The following LIG1 variants were observed in gnomAD, a reference collection of about 807,000 sequenced individuals.
LIG1 encodes the protein DNA ligase 1.
In LIG1, 70 loss-of-function variants were observed where a neutral mutation model predicts 115.7. That is an observed-to-expected ratio of 0.60 (90% confidence interval 0.50 to 0.74). The LOEUF (loss-of-function observed/expected upper bound fraction) is 0.74, where lower values mean the gene tolerates loss of function less well. Ranked by LOEUF, LIG1 falls within the 30% of genes least tolerant of loss-of-function variation. LIG1 has a pLI of 0.00. For missense variants in LIG1, 1,115 were observed against 1,225.6 expected (o/e 0.91, Z 1.35); for synonymous variants, 487 against 495.3 (o/e 0.98, Z 0.22).
At chr19:48,124,919 G>A (rs1380848311) in intron 21 of LIG1, among the ~76,000 whole-genome samples, 4 of 151,834 alleles carry the variant, frequency 2.6e-5, no homozygotes, top group Non-Finnish European at 2.9e-5. Flanking sequence ...GGAGGCTGAC[G>A]CAGGAGAATC....
At chr19:48,161,137 C>T in intron 4 of LIG1, 1 of 592,132 alleles carries the variant, frequency 1.7e-6, no homozygotes, top group Non-Finnish European at 3.0e-6. Context: ...TTACCAGGAG[C>T]TGCATGTTAC....
At chr19:48,141,844 T>C (rs531736909) in intron 11 of LIG1, among the ~76,000 whole-genome samples, 3 of 152,328 alleles carry the variant, frequency 2.0e-5, no homozygotes, top group African/African-American at 4.8e-5. Flanking sequence ...AAAGCCACCA[T>C]TGGATGGTGC....
At position 48,143,568 on chromosome 19, in the gene LIG1, C is replaced by G; in HGVS notation, c.889G>C (p.Glu297Gln). The change falls in exon 11 of 28, where the codon GAG (glutamate) becomes CAG (glutamine). Residue 297 changes from glutamate (E) to glutamine (Q), a missense_variant. Physicochemically the swap from Glu to Gln is conservative, Grantham distance 29. Coordinates refer to ENST00000263274, the MANE Select transcript of LIG1 (RefSeq NM_000234.3). Reference protein sequence around the residue: ...VPYLAVARTFEKIEEVSARLR... With the variant: ...VPYLAVARTFQKIEEVSARLR... Reference sequence around the variant, plus strand: ...CGAGCAGACACCTCCTCGATCTTCTCAAACGTCCGGGCCACAGCCAGGTAA... The same window carrying G: ...CGAGCAGACACCTCCTCGATCTTCTGAAACGTCCGGGCCACAGCCAGGTAA... 1.3e-6 allele frequency: 2 copies of G among 1,548,972 alleles called. No homozygotes were observed. Among genetic ancestry groups the G allele is most frequent in the Non-Finnish European group, 1.8e-6 (2 of 1,140,292 alleles).
At chr19:48,120,394 T>C (rs576393929) in intron 24 of LIG1, 92 of 985,250 alleles carry the variant, frequency 9.3e-5, no homozygotes, top group Admixed American at 1.8e-4. Context: ...TTTGCAAAAA[T>C]GTAAATAAAA....
chr19:48,139,521 G>A (rs575475509), intron 12 of LIG1, among the ~76,000 whole-genome samples: 2 of 152,164 alleles, frequency 1.3e-5, no homozygotes, highest in African/African-American at 4.8e-5. Flanking sequence ...CCCTTGGCAG[G>A]CGGGCCATCC....
In LIG1 at chr19:48,133,182, C is replaced by T. The variant is rs776856912; in HGVS notation, c.1610-85G>A. ...TGGAGAGGAGAACTGCTAATGGGCC[C>T]CAGGACCATTCTGCTTTCTTGCTAT... On this transcript the variant is annotated intron_variant, in intron 17 of 27. Coordinates refer to ENST00000263274, the MANE Select transcript of LIG1 (RefSeq NM_000234.3). 6.9e-5 allele frequency: 62 copies of T among 893,622 alleles called. 1 individual carries two copies. Among genetic ancestry groups the T allele is most frequent in the Admixed American group, 4.5e-4 (26 of 58,330 alleles). The allele number at this position is 893,622 out of a possible 1,614,324, so 55.4% of individuals were successfully genotyped here.
intron 5 of LIG1, 43 bp from the exon 6 acceptor site, chr19:48,154,010 G>T (rs778768010): frequency 1.3e-6 from 2 of 1,530,674 alleles, no homozygotes; most frequent in Non-Finnish European, 1.8e-6. Flanking sequence ...TCGCTGGCTC[G>T]TGTGCTCCCA....
At chr19:48,157,217 G>T in intron 4 of LIG1, 77 bp from the exon 5 acceptor site, 3 of 1,379,268 alleles carry the variant, frequency 2.2e-6, no homozygotes, top group East Asian at 2.5e-5. Context: ...GAGTAGAGGG[G>T]ACTGAAACCT....
At chr19:48,143,662 C>T (rs747213512) in intron 10 of LIG1, 63 bp from the exon 11 acceptor site, 15 of 1,445,140 alleles carry the variant, frequency 1.0e-5, no homozygotes, top group African/African-American at 1.4e-5. Flanking sequence ...TGCCCGTCTG[C>T]ACCCTTGCTT....
In LIG1 at chr19:48,117,990, A is replaced by T. The variant is rs1349470349; in HGVS notation, c.2440-209T>A. The T allele has an allele frequency of 1.5e-5, 9 of 614,566 alleles. No individual in the cohort carries two copies. In the East Asian group the frequency reaches 2.5e-4, roughly 17 times the overall value. 38.1% of individuals were successfully genotyped at this position (614,566 alleles called of 1,614,324 possible). A position where few individuals can be genotyped will look rare whatever the true frequency, so the allele number is the denominator to read the frequency against. The stretch of plus-strand genomic sequence containing the variant: ...GAGAAACAGAAAGTGAAAGAAGGGA[A>T]AAGAAACAAGACCCCCTTGAAGTAA... On this transcript the variant is annotated intron_variant, in intron 25 of 27. Transcript: ENST00000263274.
chr19:48,149,913 C>G (rs2035358868), intron 8 of LIG1, 72 bp from the exon 9 acceptor site: 1 of 1,549,586 alleles, frequency 6.5e-7, no homozygotes, highest in Non-Finnish European at 8.8e-7. Flanking sequence ...CATTCTGCAC[C>G]CAGCACCACC....
At chr19:48,168,784 A>G (rs1342304726) in intron 1 of LIG1, among the ~76,000 whole-genome samples, 7 of 152,234 alleles carry the variant, frequency 4.6e-5, no homozygotes, top group Non-Finnish European at 1.0e-4. Context: ...GATTATGGTA[A>G]TAACTGCACA....
At chr19:48,141,705 C>T (rs993968632) in intron 11 of LIG1, among the ~76,000 whole-genome samples, 7 of 152,188 alleles carry the variant, frequency 4.6e-5, no homozygotes, top group African/African-American at 1.7e-4. Flanking sequence ...TACTGAAAAA[C>T]TTAGGGGGCC....
intron 17 of LIG1, 32 bp from the exon 18 acceptor site, chr19:48,133,129 G>C (rs751006113): frequency 7.1e-7 from 1 of 1,412,140 alleles, no homozygotes; most frequent in Non-Finnish European, 1.0e-6. Context: ...TTAGAGGAGA[G>C]GGAAGGCAAT....
At chr19:48,144,264 C>T (rs2034974087) in intron 9 of LIG1, among the ~76,000 whole-genome samples, 1 of 152,056 alleles carries the variant, frequency 6.6e-6, no homozygotes, top group East Asian at 1.9e-4. Context: ...TCAGGGAAGG[C>T]CGGAGACATC....
Position 48,150,096 on chromosome 19 carries a change from C to T in LIG1, c.689G>A (p.Ser230Asn). The T allele has an allele frequency of 6.2e-7, 1 of 1,614,212 alleles. No individual in the cohort carries two copies. The highest frequency in any genetic ancestry group is 8.5e-7 in the Non-Finnish European group (1 of 1,180,040). ...GAGCAAGGGAAACTCACTGAAGAAG[C>T]TGCTGAGCGTCTTGGGAGCTCTGCG... ...PPRRAPKTLS[S>N]FFTPRKPAVK... is the part of the protein sequence containing the mutation. Residue 230 changes from serine to asparagine, a missense_variant, in exon 8 of 28, where the codon AGC becomes AAC. Transcript: ENST00000263274.
chr19:48,157,214 G>C (rs955375269), intron 4 of LIG1, 74 bp from the exon 5 acceptor site: 1 of 1,501,626 alleles, frequency 6.7e-7, no homozygotes, highest in Admixed American at 1.9e-5. Flanking sequence ...TGAGAGTAGA[G>C]GGGACTGAAA....
In LIG1 at chr19:48,131,148, C is replaced by T. The variant is rs748778169; in HGVS notation, c.1749G>A (p.Glu583=). 2.5e-6 allele frequency: 4 copies of T among 1,614,008 alleles called. No homozygotes were observed. The East Asian group carries it at 6.7e-5, about 27-fold the overall frequency. ...CCTGATTCCTGCTGAAGATCTTCAC[C>T]TCCCCGCCTTCCAGGGCGTGGATCT... The part of the protein sequence containing the change: ...RAQIHALEGG[E]VKIFSRNQED... Residue 583 remains glutamate (E), a synonymous_variant, in exon 19 of 28, where the codon GAG becomes GAA. Transcript: ENST00000263274.
rs369067038 is a variant in LIG1 at position 48,121,337 on chromosome 19, G to A, written c.2233-15C>T. 399 of 1,588,418 alleles carry A rather than the reference G, an allele frequency of 2.5e-4. 2 individuals carry two copies. The African/African-American group carries it at 4.3e-3, about 17-fold the overall frequency. Reference sequence around the variant, plus strand: ...TCCTTCTTCAGCTGGGAGAAGGGGAGGCAAGAGATGAGAAGGGGGAGCGCC... The same window carrying A: ...TCCTTCTTCAGCTGGGAGAAGGGGAAGCAAGAGATGAGAAGGGGGAGCGCC... On this transcript the variant is annotated splice_polypyrimidine_tract_variant and intron_variant, in intron 23 of 27. Transcript: ENST00000263274.
Sources: gnomAD v4.1 joint callset for allele counts (sites outside exome capture counted in the v4.1 genomes callset) on GRCh38, gnomAD v4.1.1 for gene constraint, MANE v1.5 for transcripts, NCBI Gene and HGNC (gene_info 2026-07-23, HGNC 2026-07-21) for gene names.